The following CBL variants were observed in gnomAD, a reference collection of about 807,000 sequenced individuals.
The protein encoded by CBL is Cbl proto-oncogene.
CBL carries 45 observed loss-of-function variants against 96.9 expected under a neutral mutation model. The ratio of observed to expected loss-of-function variants is 0.46; its 90% CI spans 0.37 to 0.60. The LOEUF is 0.60. CBL is among the 20% of genes least tolerant of loss of function. The pLI is 0.00. For missense variants in CBL, 1,024 were observed against 1,143.5 expected (o/e 0.90, Z 1.51); for synonymous variants, 420 against 426.8 (o/e 0.98, Z 0.20).
rs886047791 is a variant in CBL at position 119,303,921 on chromosome 11, G to A, written c.*4140G>A. On this transcript the variant is annotated 3_prime_UTR_variant, in exon 16 of 16. Coordinates refer to ENST00000264033, the MANE Select transcript of CBL (RefSeq NM_005188.4). Reference sequence around the variant, plus strand: ...CTTATGGGACCTGTCACCATGTCCTGTACTATTTGGAATTGGTTTTCCAGT... The same window carrying A: ...CTTATGGGACCTGTCACCATGTCCTATACTATTTGGAATTGGTTTTCCAGT... 8 of 233,642 alleles carry A rather than the reference G, an allele frequency of 3.4e-5. No homozygotes were observed. In the East Asian group the frequency reaches 4.8e-4, roughly 14 times the overall value. 14.5% of individuals were successfully genotyped at this position (233,642 alleles called of 1,614,324 possible). A position where few individuals can be genotyped will look rare whatever the true frequency, so the allele number is the denominator to read the frequency against.
At chr11:119,257,209 A>G (rs889534245) in intron 2 of CBL, among the ~76,000 whole-genome samples, 2 of 152,220 alleles carry the variant, frequency 1.3e-5, no homozygotes, top group Admixed American at 1.3e-4. Context: ...AGCATTCCCT[A>G]TTCAAATGAA....
At chr11:119,286,520 A>G (rs1227002310) in intron 11 of CBL, among the ~76,000 whole-genome samples, 4 of 152,220 alleles carry the variant, frequency 2.6e-5, no homozygotes, top group Non-Finnish European at 5.9e-5. Flanking sequence ...TTTCAGATTG[A>G]TAACAGCCAC....
chr11:119,255,165 A>G (rs2135283304), intron 2 of CBL, among the ~76,000 whole-genome samples: 1 of 152,236 alleles, frequency 6.6e-6, no homozygotes, highest in South Asian at 2.1e-4. Context: ...GAGTTTGGGT[A>G]CTGACTTTAC....
Position 119,304,770 on chromosome 11 carries a change from C to T in CBL, c.*4989C>T, listed in dbSNP as rs1270040125. 14 of 193,142 alleles carry T rather than the reference C, an allele frequency of 7.2e-5. No homozygotes were observed. The highest frequency in any genetic ancestry group is 1.6e-4 in the East Asian group (2 of 12,284). The allele number at this position is 193,142 out of a possible 1,614,324, so 12.0% of individuals were successfully genotyped here. Reference sequence around the variant, plus strand: ...CCTCCCGAGTAGCTGGGATTACAGGCGCCTGCCACCATGCCCAGCTAATGT... The same window carrying T: ...CCTCCCGAGTAGCTGGGATTACAGGTGCCTGCCACCATGCCCAGCTAATGT... On this transcript the variant is annotated 3_prime_UTR_variant, in exon 16 of 16. Coordinates refer to ENST00000264033, the MANE Select transcript of CBL (RefSeq NM_005188.4).
rs550863116 is a variant in CBL, at chr11:119,306,323, T to G, written c.*6542T>G. On this transcript the variant is annotated 3_prime_UTR_variant, in exon 16 of 16. Coordinates refer to ENST00000264033, the MANE Select transcript of CBL (RefSeq NM_005188.4). ...AAAAGCCAACCTCAGATCTCCTGAT[T>G]TGGCAGCTGAAGAAATCAGCAGAGT... is the stretch of plus-strand genomic sequence containing the variant. The G allele has an allele frequency of 3.3e-4, 130 of 398,664 alleles. 1 individual carries two copies. The highest frequency in any genetic ancestry group is 2.1e-3 in the East Asian group (58 of 28,084). The allele number at this position is 398,664 out of a possible 1,614,324, so 24.7% of individuals were successfully genotyped here. A position where few individuals can be genotyped will look rare whatever the true frequency, so the allele number is the denominator to read the frequency against.
intron 2 of CBL, among the ~76,000 whole-genome samples, chr11:119,234,622 A>C (rs1354180931): frequency 1.3e-5 from 2 of 152,234 alleles, no homozygotes; most frequent in Non-Finnish European, 2.9e-5. Context: ...CAAATGCATT[A>C]ATAGAGATAT....
At chr11:119,220,070 G>A (rs868594147) in intron 1 of CBL, among the ~76,000 whole-genome samples, 1 of 152,076 alleles carries the variant, frequency 6.6e-6, no homozygotes, top group Non-Finnish European at 1.5e-5. Context: ...GGCTGGTCTC[G>A]AACTCCTGAC....
chr11:119,306,430 T>C lies in CBL; in HGVS notation c.*6649T>C, dbSNP rs971260089. On this transcript the variant is annotated 3_prime_UTR_variant, in exon 16 of 16. Transcript: ENST00000264033. ...AACATTGCCTCTCCTACATTCTCCT[T>C]CTGCCCCTAAATCAGACAGGAGGCC... is the stretch of plus-strand genomic sequence containing the variant. 4 of 398,834 alleles carry C rather than the reference T, an allele frequency of 1.0e-5. No homozygotes were observed. Among genetic ancestry groups the C allele is most frequent in the East Asian group, 7.1e-5 (2 of 28,082 alleles). The allele number at this position is 398,834 out of a possible 1,614,324, so 24.7% of individuals were successfully genotyped here.
intron 1 of CBL, among the ~76,000 whole-genome samples, chr11:119,214,811 A>G (rs967973995): frequency 2.0e-5 from 3 of 151,036 alleles, no homozygotes; most frequent in Admixed American, 6.6e-5. Context: ...TCTCTCGCCC[A>G]TTAGAGCTCC....
chr11:119,232,823 G>A (rs930521934), intron 2 of CBL, 128 bp downstream of exon 2: 3 of 942,566 alleles, frequency 3.2e-6, no homozygotes, highest in South Asian at 1.4e-5. Flanking sequence ...TTGATTTAAA[G>A]GTATAGTTTA....
intron 1 of CBL, among the ~76,000 whole-genome samples, chr11:119,207,403 C>T (rs914962782): frequency 6.6e-6 from 1 of 152,236 alleles, no homozygotes; most frequent in Admixed American, 6.5e-5. Context: ...TTCCTCCCTA[C>T]TACATCGCTT....
intron 3 of CBL, among the ~76,000 whole-genome samples, chr11:119,272,884 T>C (rs1744289635): frequency 6.6e-6 from 1 of 152,218 alleles, no homozygotes; most frequent in South Asian, 2.1e-4. Context: ...CTTTTCCGTT[T>C]TGCTGTATTG....
Position 119,298,058 on chromosome 11 carries a change from G to A in CBL, c.2252-300G>A, listed in dbSNP as rs561208056. On this transcript the variant is annotated intron_variant, in intron 14 of 15. Coordinates refer to ENST00000264033, the MANE Select transcript of CBL (RefSeq NM_005188.4). Reference sequence around the variant, plus strand: ...CTTTGCTGATCTTCCAAGGTGGAATGTGGATAGAAATGTTTATTGAATGAT... The same window carrying A: ...CTTTGCTGATCTTCCAAGGTGGAATATGGATAGAAATGTTTATTGAATGAT... 3.3e-5 allele frequency among the ~76,000 whole-genome samples: 5 copies of A among 152,354 alleles called. No homozygotes were observed. In the South Asian group the frequency reaches 1.0e-3, roughly 32 times the overall value.
chr11:119,290,338 G>A (rs999533344), intron 12 of CBL, among the ~76,000 whole-genome samples: 1 of 151,290 alleles, frequency 6.6e-6, no homozygotes, highest in African/African-American at 2.4e-5. Context: ...AAGCCACTGT[G>A]CCCAGCCCAC....
At chr11:119,234,628 G>C (rs1949528191) in intron 2 of CBL, among the ~76,000 whole-genome samples, 1 of 152,160 alleles carries the variant, frequency 6.6e-6, no homozygotes, top group Non-Finnish European at 1.5e-5. Context: ...CATTAATAGA[G>C]ATATGTACAA....
At chr11:119,263,646 CGTTTT>C (rs539584266) in intron 2 of CBL, among the ~76,000 whole-genome samples, 99 of 152,116 alleles carry the variant, frequency 6.5e-4, no homozygotes, top group East Asian at 2.5e-3. Context: ...TGATGGTTTT[CGTTTT>C]GTTTTGTTTT....
intron 12 of CBL, among the ~76,000 whole-genome samples, chr11:119,291,028 T>C (rs2135315522): frequency 6.6e-6 from 1 of 152,078 alleles, no homozygotes; most frequent in East Asian, 1.9e-4. Context: ...TTTAAAAATA[T>C]CATTCCACTC....
Position 119,272,052 on chromosome 11 carries a change from T to G in CBL, c.590+171T>G, listed in dbSNP as rs539651124. On this transcript the variant is annotated intron_variant, in intron 3 of 15. Coordinates refer to ENST00000264033, the MANE Select transcript of CBL (RefSeq NM_005188.4). ...TTAAGTTTTTGCTCTGTTCATTGTT[T>G]TTAAAAAATAGTTTTGCAGATTAAA... Among the ~76,000 whole-genome samples, 7 of 152,358 alleles carry G rather than the reference T, an allele frequency of 4.6e-5. 1 individual carries two copies. In the South Asian group the frequency reaches 1.4e-3, roughly 32 times the overall value.
intron 1 of CBL, among the ~76,000 whole-genome samples, chr11:119,213,743 G>C (rs1473344315): frequency 6.6e-6 from 1 of 151,986 alleles, no homozygotes; most frequent in East Asian, 1.9e-4. Flanking sequence ...GTCTTGCTCT[G>C]ATACCCAGGC....
Sources: allele counts gnomAD v4.1 joint callset (sites outside exome capture counted in the v4.1 genomes callset), GRCh38; gene constraint gnomAD v4.1.1; transcripts MANE v1.5; gene names NCBI Gene and HGNC (gene_info 2026-07-23, HGNC 2026-07-21).